The following MDN1 variants were observed in gnomAD, a reference collection of about 807,000 sequenced individuals.
The protein encoded by MDN1 is midasin.
A neutral mutation model predicts 669.2 loss-of-function variants in MDN1; 266 were observed. That is an observed-to-expected ratio of 0.40 (90% CI 0.36 to 0.44). The LOEUF (loss-of-function observed/expected upper bound fraction) is 0.44, where lower values mean the gene tolerates loss of function less well. Ranked by LOEUF, MDN1 falls within the 20% of genes least tolerant of loss-of-function variation. MDN1 has a pLI of 1.00. For missense variants in MDN1, 5,940 were observed against 6,754.0 expected (o/e 0.88, Z 4.22); for synonymous variants, 2,385 against 2,457.1 (o/e 0.97, Z 0.87).
Position 89,764,247 on chromosome 6 carries a change from C to T in MDN1, c.2145-1717G>A, listed in dbSNP as rs1049664608. On this transcript the variant is annotated intron_variant, in intron 15 of 101. Coordinates refer to ENST00000369393, the MANE Select transcript of MDN1 (RefSeq NM_014611.3). ...AAAATTTTTTTGAGCACCTGCTATA[C>T]GTGTTAGCCACTGAATCAACAAGAC... 3.9e-5 allele frequency among the ~76,000 whole-genome samples: 6 copies of T among 152,114 alleles called. No individual in the cohort carries two copies. The South Asian group carries it at 8.3e-4, about 21-fold the overall frequency.
intron 51 of MDN1, 104 bp from the exon 52 acceptor site, chr6:89,707,580 C>G (rs1015640971): frequency 1.2e-5 from 9 of 738,812 alleles, no homozygotes; most frequent in African/African-American, 1.2e-4. Context: ...GTCCTTCATC[C>G]TGCCATTCCT....
Position 89,725,050 on chromosome 6 carries a change from A to G in MDN1, c.5670+149T>C, listed in dbSNP as rs570299235. 9 of 686,054 alleles carry G rather than the reference A, an allele frequency of 1.3e-5. No homozygotes were observed. In the Admixed American group the frequency reaches 2.3e-4, roughly 18 times the overall value. 42.5% of individuals were successfully genotyped at this position (686,054 alleles called of 1,614,324 possible). A position where few individuals can be genotyped will look rare whatever the true frequency, so the allele number is the denominator to read the frequency against. On this transcript the variant is annotated intron_variant, in intron 38 of 101. Transcript: ENST00000369393. ...ACAGAAGCAATGATGGGAATCAGTC[A>G]CATTAATATTGATCATATAAGGACA...
intron 67 of MDN1, among the ~76,000 whole-genome samples, 170 bp from the exon 68 acceptor site, chr6:89,687,608 C>T (rs1373905968): frequency 6.6e-6 from 1 of 152,160 alleles, no homozygotes; most frequent in Non-Finnish European, 1.5e-5. Context: ...TCTTTCTGTT[C>T]ACATGACAGA....
intron 101 of MDN1, 79 bp from the exon 102 acceptor site, chr6:89,644,272 T>C (rs1808336358): frequency 1.6e-6 from 2 of 1,231,500 alleles, no homozygotes; most frequent in African/African-American, 3.0e-5. Context: ...TGATCTCTTT[T>C]GCTAACTTTT....
intron 15 of MDN1, among the ~76,000 whole-genome samples, chr6:89,762,763 GA>G (rs1441072803): frequency 2.6e-5 from 4 of 152,120 alleles, no homozygotes; most frequent in Non-Finnish European, 5.9e-5. Context: ...ACAGTGTTAT[GA>G]AAAAAACTAG....
At chr6:89,705,218 T>G (rs1813434671) in intron 53 of MDN1, among the ~76,000 whole-genome samples, 1 of 152,234 alleles carries the variant, frequency 6.6e-6, no homozygotes, top group African/African-American at 2.4e-5. Flanking sequence ...GTTATTCATA[T>G]TAACGTGAAA....
In MDN1 at chr6:89,728,578, C is replaced by T. The variant is rs527805260; in HGVS notation, c.5349+353G>A. Among the ~76,000 whole-genome samples the T allele has an allele frequency of 9.2e-5, 14 of 152,296 alleles. 1 individual carries two copies. In the South Asian group the frequency reaches 2.7e-3, roughly 29 times the overall value. ...AGGCGCCATGGCTTACGCCTGTAATCCCAACACTTTGGGAGGCCAAGGCAG... is the reference window on the plus strand; with the variant it reads ...AGGCGCCATGGCTTACGCCTGTAATTCCAACACTTTGGGAGGCCAAGGCAG... On this transcript the variant is annotated intron_variant, in intron 36 of 101. Transcript: ENST00000369393.
At chr6:89,710,828 A>G in intron 49 of MDN1, 34 bp from the exon 50 acceptor site, 1 of 1,269,606 alleles carries the variant, frequency 7.9e-7, no homozygotes, top group Non-Finnish European at 1.1e-6. Context: ...GTTAGACTCT[A>G]AAGCAGTGCT....
In MDN1 at chr6:89,743,145, CG is replaced by C. The variant is rs1562167693; in HGVS notation, c.4448+4del. 1 of 1,613,728 alleles carries C rather than the reference CG, an allele frequency of 6.2e-7. No homozygotes were observed. The highest frequency in any genetic ancestry group is 1.7e-5 in the Admixed American group (1 of 59,956). On this transcript the variant is annotated splice_donor_region_variant and intron_variant, in intron 31 of 101. Transcript: ENST00000369393. Reference sequence around the variant, plus strand: ...AAACACAAGGCAAACCTCTCAGGCACGTACCTGTTGAGTCTTTCCAAGACAG... The same window carrying C: ...AAACACAAGGCAAACCTCTCAGGCACTACCTGTTGAGTCTTTCCAAGACAG...
At chr6:89,759,076 G>T (rs1817404377) in intron 17 of MDN1, 116 bp from the exon 18 acceptor site, 2 of 987,966 alleles carry the variant, frequency 2.0e-6, no homozygotes, top group Non-Finnish European at 2.9e-6. Flanking sequence ...CTACTTGATG[G>T]GCCTATACTT....
In MDN1 at chr6:89,729,093, T is replaced by C; in HGVS notation, c.5187A>G (p.Ala1729=). The change falls in exon 36 of 102, where the codon GCA becomes GCG. Residue 1729 remains alanine (A), a synonymous_variant. Coordinates refer to ENST00000369393, the MANE Select transcript of MDN1 (RefSeq NM_014611.3). ...TCTGTGCATTCATAGCAGTGGTCCC[T>C]GCACTGAGTGCATAGTCTGCAATAT... ...RNNIADYALS[A]GTTAMNAQRL... 2 of 1,613,912 alleles carry C rather than the reference T, an allele frequency of 1.2e-6. No homozygotes were observed. Among genetic ancestry groups the C allele is most frequent in the South Asian group, 2.2e-5 (2 of 91,080 alleles).
At chr6:89,677,268 A>AT (rs1342287107) in intron 76 of MDN1, among the ~76,000 whole-genome samples, 1 of 151,888 alleles carries the variant, frequency 6.6e-6, no homozygotes, top group South Asian at 2.1e-4. Context: ...AATATTCTGT[A>AT]TTTTTAGTAG....
chr6:89,699,076 A>G, intron 58 of MDN1, 41 bp from the exon 59 acceptor site: 1 of 1,515,218 alleles, frequency 6.6e-7, no homozygotes, highest in Non-Finnish European at 9.1e-7. Flanking sequence ...ATACCTGAGA[A>G]AGACTCCATA....
intron 36 of MDN1, 85 bp from the exon 37 acceptor site, chr6:89,728,040 T>C (rs1001622997): frequency 6.9e-7 from 1 of 1,456,216 alleles, no homozygotes; most frequent in South Asian, 1.3e-5. Flanking sequence ...AAATGATAAA[T>C]ACTTGGGGCT....
At chr6:89,709,854 T>A (rs917972294) in intron 50 of MDN1, among the ~76,000 whole-genome samples, 1 of 152,206 alleles carries the variant, frequency 6.6e-6, no homozygotes, top group East Asian at 1.9e-4. Flanking sequence ...TGATCAGATA[T>A]CTTAGATGTC....
intron 11 of MDN1, among the ~76,000 whole-genome samples, chr6:89,777,359 C>T (rs1260346660): frequency 6.6e-6 from 1 of 152,234 alleles, no homozygotes; most frequent in Admixed American, 6.5e-5. Flanking sequence ...ACATGGCTGA[C>T]TCCATCTTAC....
intron 12 of MDN1, among the ~76,000 whole-genome samples, chr6:89,776,178 A>G (rs1818344834): frequency 6.6e-6 from 1 of 151,970 alleles, no homozygotes; most frequent in African/African-American, 2.4e-5. Flanking sequence ...AATGTGGAAC[A>G]TGGCTGTGCA....
At chr6:89,753,117 T>C (rs951695305) in intron 22 of MDN1, among the ~76,000 whole-genome samples, 2 of 151,740 alleles carry the variant, frequency 1.3e-5, no homozygotes, top group African/African-American at 2.4e-5. Context: ...AGCAAGACTC[T>C]ATCTGCAAAA....
At chr6:89,775,992 T>C (rs968987818) in intron 12 of MDN1, among the ~76,000 whole-genome samples, 1 of 152,140 alleles carries the variant, frequency 6.6e-6, no homozygotes, top group Non-Finnish European at 1.5e-5. Flanking sequence ...CTCAGTCTCT[T>C]GCCAATTTTT....
Sources: gnomAD v4.1 joint callset for allele counts (sites outside exome capture counted in the v4.1 genomes callset) on GRCh38, gnomAD v4.1.1 for gene constraint, MANE v1.5 for transcripts, NCBI Gene and HGNC (gene_info 2026-07-23, HGNC 2026-07-21) for gene names.